Variants in CCDC18 observed in about 807,000 individuals in gnomAD.
The protein encoded by CCDC18 is coiled-coil domain containing 18, also known as coiled-coil domain-containing protein 18.
In CCDC18, 157 loss-of-function variants were observed where a neutral mutation model predicts 196.0. The observed-to-expected ratio is 0.80, with a 90% confidence interval of 0.70 to 0.91. The LOEUF is 0.91. Ranked by LOEUF, CCDC18 falls within the 40% of genes least tolerant of loss-of-function variation. The pLI is 0.00. For missense variants in CCDC18, 1,465 were observed against 1,611.6 expected (o/e 0.91, Z 1.56); for synonymous variants, 482 against 529.2 (o/e 0.91, Z 1.22).
chr1:93,205,377 G>A, intron 7 of CCDC18, 133 bp from the exon 8 acceptor site: 2 of 700,458 alleles, frequency 2.9e-6, no homozygotes, highest in Non-Finnish European at 4.5e-6. Flanking sequence ...TTCACTACAA[G>A]GCTGGGGACT....
intron 20 of CCDC18, 44 bp downstream of exon 20, chr1:93,239,517 C>A: frequency 6.4e-7 from 1 of 1,553,418 alleles, no homozygotes; most frequent in South Asian, 1.2e-5. Flanking sequence ...TGTATTTGTA[C>A]TTAACGAAGT....
chr1:93,204,486 T>C (rs1177903971), intron 7 of CCDC18, among the ~76,000 whole-genome samples: 1 of 152,036 alleles, frequency 6.6e-6, no homozygotes, highest in Non-Finnish European at 1.5e-5. Flanking sequence ...TTTGAGAGAA[T>C]ATATGGAAAG....
chr1:93,240,869 T>C (rs115034678), intron 21 of CCDC18, among the ~76,000 whole-genome samples: 70 of 152,332 alleles, frequency 4.6e-4, no homozygotes, highest in Non-Finnish European at 8.7e-4. Context: ...ATGCAGTTGC[T>C]CAAACCACAA....
chr1:93,184,269 T>C (rs1223509908), intron 3 of CCDC18, 123 bp downstream of exon 3: 1 of 334,530 alleles, frequency 3.0e-6, no homozygotes, highest in Non-Finnish European at 5.2e-6. Flanking sequence ...AAATACCTTA[T>C]TCATGGTTTC....
At chr1:93,202,592 G>A (rs1654014583) in intron 7 of CCDC18, among the ~76,000 whole-genome samples, 1 of 152,178 alleles carries the variant, frequency 6.6e-6, no homozygotes, top group Non-Finnish European at 1.5e-5. Flanking sequence ...TCTTGAGATA[G>A]CAATGAAAGC....
chr1:93,231,180 G>C (rs996619648), intron 17 of CCDC18, among the ~76,000 whole-genome samples: 2 of 152,134 alleles, frequency 1.3e-5, no homozygotes, highest in Non-Finnish European at 2.9e-5. Flanking sequence ...ATTCTCTTCC[G>C]CTATTTACTA....
intron 23 of CCDC18, among the ~76,000 whole-genome samples, chr1:93,248,334 C>T (rs1661775325): frequency 6.6e-6 from 1 of 151,976 alleles, no homozygotes; most frequent in Admixed American, 6.6e-5. Flanking sequence ...CTTCTATACC[C>T]AATTTGTTGA....
chr1:93,272,490 T>A (rs778306832), intron 28 of CCDC18, among the ~76,000 whole-genome samples: 9 of 152,088 alleles, frequency 5.9e-5, no homozygotes, highest in Non-Finnish European at 8.8e-5. Flanking sequence ...ATCAGTGAAA[T>A]AGAAGAGAAA....
intron 17 of CCDC18, among the ~76,000 whole-genome samples, chr1:93,226,676 G>A (rs550061795): frequency 1.3e-5 from 2 of 151,848 alleles, no homozygotes; most frequent in Non-Finnish European, 2.9e-5. Flanking sequence ...TAGGATTACA[G>A]GTATGCACTA....
Position 93,207,135 on chromosome 1 carries a change from A to C in CCDC18, c.946A>C (p.Lys316Gln), listed in dbSNP as rs775130325. The change falls in exon 9 of 29, where the codon AAA becomes CAA. Residue 316 changes from lysine (K) to glutamine (Q), a missense_variant. By Grantham distance (53) the Lys-to-Gln change is moderately conservative. Coordinates refer to ENST00000690025, the MANE Select transcript of CCDC18 (RefSeq NM_001378204.1). Reference sequence around the variant, plus strand: ...GTTAAAAGAAGAAAATAACAACGGAAAAGAAAAATTAAGGATCATGGCAGT... The same window carrying C: ...GTTAAAAGAAGAAAATAACAACGGACAAGAAAAATTAAGGATCATGGCAGT... ...RQLKEENNNG[K>Q]EKLRIMAVKN... 6.5e-7 allele frequency: 1 copy of C among 1,529,580 alleles called. No homozygotes were observed. The highest frequency in any genetic ancestry group is 2.3e-5 in the East Asian group (1 of 43,460). The allele number at this position is 1,529,580 out of a possible 1,614,324, so 94.8% of individuals were successfully genotyped here.
At chr1:93,204,445 C>T (rs904429433) in intron 7 of CCDC18, among the ~76,000 whole-genome samples, 2 of 151,510 alleles carry the variant, frequency 1.3e-5, no homozygotes, top group Admixed American at 6.6e-5. Context: ...AATATATTTG[C>T]AATAAGGAAA....
At chr1:93,260,449 A>G (rs1663626886) in intron 26 of CCDC18, among the ~76,000 whole-genome samples, 1 of 152,158 alleles carries the variant, frequency 6.6e-6, no homozygotes, top group African/African-American at 2.4e-5. Context: ...TTTGATACTA[A>G]TATTTTGTCT....
At chr1:93,269,899 C>A (rs1245206148) in intron 27 of CCDC18, 1 of 152,396 alleles carries the variant, frequency 6.6e-6, no homozygotes, top group African/African-American at 2.4e-5. Flanking sequence ...CTAAAGCTTT[C>A]TTGTAATGAG....
At chr1:93,191,073 G>T in intron 4 of CCDC18, 1 of 683,716 alleles carries the variant, frequency 1.5e-6, no homozygotes, top group Admixed American at 2.3e-5. Context: ...TTGCGGGAGT[G>T]CTATCAGCAA....
chr1:93,221,683 TATA>T lies in CCDC18; in HGVS notation c.2041_2043del (p.Ile681del). The T allele has an allele frequency of 6.3e-7, 1 of 1,595,354 alleles. No homozygotes were observed. Among genetic ancestry groups the T allele is most frequent in the South Asian group, 1.2e-5 (1 of 86,286 alleles). On this transcript the variant is annotated inframe_deletion, in exon 15 of 29. Transcript: ENST00000690025. ...AGACTATGTCCATGTTGCAACAAGA[TATA>T]ATATGCAAACAACATCATCTTGAAT...
At chr1:93,221,971 C>CT (rs113139948) in intron 16 of CCDC18, 35 bp downstream of exon 16, 218,472 of 1,127,390 alleles carry the variant, frequency 0.19, 5,906 homozygotes, top group East Asian at 0.28. Context: ...TCTTTCTTTC[C>CT]TTTTTTTTTT....
At chr1:93,228,275 A>C (rs1166697048) in intron 17 of CCDC18, among the ~76,000 whole-genome samples, 1 of 152,080 alleles carries the variant, frequency 6.6e-6, no homozygotes, top group Admixed American at 6.5e-5. Flanking sequence ...CAAAGAAAAA[A>C]GGTCTGTCCA....
intron 18 of CCDC18, among the ~76,000 whole-genome samples, chr1:93,234,195 CTG>C (rs1451397266): frequency 6.6e-6 from 1 of 151,808 alleles, no homozygotes; most frequent in African/African-American, 2.4e-5. Flanking sequence ...CGTAGTCTCA[CTG>C]TGTCGCCAGG....
intron 12 of CCDC18, among the ~76,000 whole-genome samples, chr1:93,215,440 T>C (rs1480242105): frequency 6.6e-6 from 1 of 150,394 alleles, no homozygotes; most frequent in African/African-American, 2.5e-5. Context: ...GAGTCTGCTT[T>C]TTTCTTTTCT....
Sources: allele counts gnomAD v4.1 joint callset (sites outside exome capture counted in the v4.1 genomes callset), GRCh38; gene constraint gnomAD v4.1.1; transcripts MANE v1.5; gene names NCBI Gene and HGNC (gene_info 2026-07-23, HGNC 2026-07-21).